ADAM19: variants seen among roughly 807,000 people sequenced by gnomAD.
ADAM19 encodes the protein ADAM metallopeptidase domain 19.
ADAM19 carries 65 observed loss-of-function variants against 114.7 expected under a neutral mutation model. The ratio of observed to expected loss-of-function variants is 0.57; its 90% CI spans 0.46 to 0.70. The LOEUF is 0.70. Ranked by LOEUF, ADAM19 falls within the 30% of genes least tolerant of loss-of-function variation. The pLI, the probability that ADAM19 is intolerant of heterozygous loss-of-function variation, is 0.00. For missense variants in ADAM19, 1,063 were observed against 1,204.7 expected (o/e 0.88, Z 1.74); for synonymous variants, 466 against 460.5 (o/e 1.01, Z -0.15).
chr5:157,565,026 C>T (rs958651531), intron 2 of ADAM19, among the ~76,000 whole-genome samples: 5 of 152,082 alleles, frequency 3.3e-5, no homozygotes, highest in African/African-American at 7.2e-5. Context: ...TTTGGCTCTC[C>T]GTTTGGAAAA....
intron 4 of ADAM19, among the ~76,000 whole-genome samples, chr5:157,535,261 G>C (rs748536733): frequency 3.3e-5 from 5 of 152,188 alleles, no homozygotes; most frequent in Admixed American, 2.6e-4. Context: ...CTTTCTGTTG[G>C]AACACATTCA....
chr5:157,490,485 T>C lies in ADAM19; in HGVS notation c.2096-31A>G, dbSNP rs747211196. ...AGAAACAGAACCCAAGTGGGAGATT[T>C]AGAAGCTGTCTCGGCTACAGCAGAT... On this transcript the variant is annotated intron_variant, in intron 18 of 22. Transcript: ENST00000257527. 5 of 1,608,856 alleles carry C rather than the reference T, an allele frequency of 3.1e-6. No individual in the cohort carries two copies. In the Admixed American group the frequency reaches 6.7e-5, roughly 21 times the overall value.
chr5:157,484,098 T>A (rs562153049), intron 21 of ADAM19, among the ~76,000 whole-genome samples: 1 of 152,326 alleles, frequency 6.6e-6, no homozygotes, highest in South Asian at 2.1e-4. Context: ...ACTATTACCT[T>A]CATGTTCTCA....
intron 3 of ADAM19, among the ~76,000 whole-genome samples, chr5:157,563,805 C>T (rs915245846): frequency 1.3e-5 from 2 of 152,166 alleles, no homozygotes; most frequent in Non-Finnish European, 2.9e-5. Context: ...TGTGCAAGTG[C>T]CTCTGAGCCA....
intron 3 of ADAM19, among the ~76,000 whole-genome samples, chr5:157,542,187 G>A (rs1756935469): frequency 6.6e-6 from 1 of 151,762 alleles, no homozygotes; most frequent in South Asian, 2.1e-4. Context: ...CACAACACCT[G>A]GAAAGACTGT....
chr5:157,477,754 T>C lies in ADAM19; in HGVS notation c.*3195A>G. On this transcript the variant is annotated 3_prime_UTR_variant, in exon 23 of 23. Coordinates refer to ENST00000257527, the MANE Select transcript of ADAM19 (RefSeq NM_033274.5). ...ATACCCTCTGTCAAATAAGAATAAA[T>C]TAGGAAGTAGGCAGGGAGAGACTTC... 1 of 1,287,312 alleles carries C rather than the reference T, an allele frequency of 7.8e-7. No homozygotes were observed. Among genetic ancestry groups the C allele is most frequent in the Non-Finnish European group, 1.0e-6 (1 of 986,792 alleles). 79.7% of individuals were successfully genotyped at this position (1,287,312 alleles called of 1,614,324 possible). A position where few individuals can be genotyped will look rare whatever the true frequency, so the allele number is the denominator to read the frequency against.
chr5:157,480,514 G>A lies in ADAM19; in HGVS notation c.*435C>T, dbSNP rs113500967. On this transcript the variant is annotated 3_prime_UTR_variant, in exon 23 of 23. Transcript: ENST00000257527. The stretch of plus-strand genomic sequence containing the variant: ...GTAAGTACCAGCCTCCATCCAGCCC[G>A]GGACCTCTGAGGAGAGCAGAAGCAA... 43 of 999,090 alleles carry A rather than the reference G, an allele frequency of 4.3e-5. No homozygotes were observed. The African/African-American group carries it at 4.7e-4, about 11-fold the overall frequency. The allele number at this position is 999,090 out of a possible 1,614,324, so 61.9% of individuals were successfully genotyped here. A position where few individuals can be genotyped will look rare whatever the true frequency, so the allele number is the denominator to read the frequency against.
chr5:157,488,509 A>C lies in ADAM19; in HGVS notation c.2326-20T>G, dbSNP rs1316326373. On this transcript the variant is annotated intron_variant, in intron 20 of 22. Coordinates refer to ENST00000257527, the MANE Select transcript of ADAM19 (RefSeq NM_033274.5). ...GATCACCTGTACGCACAAGTCAAGG[A>C]ACACCTGAGACAAGAAATCACTCAG... 2 of 1,541,570 alleles carry C rather than the reference A, an allele frequency of 1.3e-6. No individual in the cohort carries two copies. The highest frequency in any genetic ancestry group is 2.4e-5 in the South Asian group (2 of 81,980).
intron 2 of ADAM19, among the ~76,000 whole-genome samples, chr5:157,567,593 T>A (rs1413116358): frequency 6.6e-6 from 1 of 151,492 alleles, no homozygotes; most frequent in Non-Finnish European, 1.5e-5. Flanking sequence ...AGATCAGGAG[T>A]TCCAGACCAG....
intron 9 of ADAM19, among the ~76,000 whole-genome samples, chr5:157,507,955 A>C (rs1044688647): frequency 1.3e-5 from 2 of 152,244 alleles, no homozygotes; most frequent in Non-Finnish European, 2.9e-5. Context: ...CTAGACCATG[A>C]TATCTTTGAC....
intron 8 of ADAM19, among the ~76,000 whole-genome samples, chr5:157,513,065 A>T (rs1755970770): frequency 6.6e-6 from 1 of 152,206 alleles, no homozygotes; most frequent in African/African-American, 2.4e-5. Flanking sequence ...TCCTCACCCC[A>T]GCTCCCACTT....
rs987215123 is a variant in ADAM19, at chr5:157,482,945, A to G, written c.2551-1002T>C. Among the ~76,000 whole-genome samples the G allele has an allele frequency of 6.6e-5, 10 of 152,296 alleles. No individual in the cohort carries two copies. In the East Asian group the frequency reaches 1.9e-3, roughly 29 times the overall value. ...GCTGGAAACTATCATTCTCAGCAAA[A>G]TAACACAAGAACAGAAAACCAAACA... On this transcript the variant is annotated intron_variant, in intron 21 of 22. Coordinates refer to ENST00000257527, the MANE Select transcript of ADAM19 (RefSeq NM_033274.5).
At chr5:157,539,217 G>A (rs17054697) in intron 3 of ADAM19, among the ~76,000 whole-genome samples, 26,827 of 151,894 alleles carry the variant, frequency 0.18, 2,784 homozygotes, top group African/African-American at 0.27. Flanking sequence ...TATCTCAGGG[G>A]TTGCAGAAGA....
At chr5:157,529,460 T>C (rs6893247) in intron 5 of ADAM19, among the ~76,000 whole-genome samples, 87,880 of 152,026 alleles carry the variant, frequency 0.58, 26,807 homozygotes, top group African/African-American at 0.77. Flanking sequence ...GAGATATACT[T>C]CATATTCTCA....
rs541199038 is a variant in ADAM19, at chr5:157,575,499, T to C, written c.94+104A>G. 247 of 820,168 alleles carry C rather than the reference T, an allele frequency of 3.0e-4. 3 individuals carry two copies. The African/African-American group carries it at 4.1e-3, about 13-fold the overall frequency. The allele number at this position is 820,168 out of a possible 1,614,324, so 50.8% of individuals were successfully genotyped here. On this transcript the variant is annotated intron_variant, in intron 1 of 22. Transcript: ENST00000257527. The stretch of plus-strand genomic sequence containing the variant: ...CGGCGGGGGCGCAGGCCCCGCGGAG[T>C]TGCGGGAGGCGCAGGGGTCGCGGTC...
intron 21 of ADAM19, among the ~76,000 whole-genome samples, chr5:157,486,158 G>C (rs550554621): frequency 1.3e-5 from 2 of 152,232 alleles, no homozygotes; most frequent in Non-Finnish European, 2.9e-5. Flanking sequence ...TCACTCAGCT[G>C]GATGAGACCT....
chr5:157,509,130 G>A (rs1755833504), intron 9 of ADAM19, among the ~76,000 whole-genome samples, 171 bp downstream of exon 9: 1 of 152,210 alleles, frequency 6.6e-6, no homozygotes, highest in Non-Finnish European at 1.5e-5. Flanking sequence ...CATTTTCTGG[G>A]GTATGCTGGG....
At position 157,480,483 on chromosome 5, in the gene ADAM19, G is replaced by T; in HGVS notation, c.*466C>A. ...TTCCTTAATCCCTAAAAGCTAAAAG[G>T]GGTGGGTAAGTACCAGCCTCCATCC... On this transcript the variant is annotated 3_prime_UTR_variant, in exon 23 of 23. Transcript: ENST00000257527. The T allele has an allele frequency of 1.0e-6, 1 of 992,262 alleles. No homozygotes were observed. The highest frequency in any genetic ancestry group is 1.2e-6 in the Non-Finnish European group (1 of 834,344). 61.5% of individuals were successfully genotyped at this position (992,262 alleles called of 1,614,324 possible).
intron 9 of ADAM19, 137 bp from the exon 10 acceptor site, chr5:157,507,277 T>C (rs1240762615): frequency 5.3e-6 from 4 of 751,314 alleles, no homozygotes; most frequent in Admixed American, 2.2e-5. Context: ...GAGAGGCCCT[T>C]GTAACCAGGC....
Sources: gnomAD v4.1 joint callset for allele counts (sites outside exome capture counted in the v4.1 genomes callset) on GRCh38, gnomAD v4.1.1 for gene constraint, MANE v1.5 for transcripts, NCBI Gene and HGNC (gene_info 2026-07-23, HGNC 2026-07-21) for gene names.